The following GRIK1 variants were observed in gnomAD, a reference collection of about 807,000 sequenced individuals.
GRIK1 encodes glutamate receptor ionotropic, kainate 1.
A neutral mutation model predicts 105.7 loss-of-function variants in GRIK1; 69 were observed. The observed-to-expected ratio is 0.65, with a 90% confidence interval of 0.54 to 0.80. The LOEUF is 0.80. Among genes scored for constraint, GRIK1 ranks in the 30% least tolerant of loss-of-function variants. GRIK1 has a pLI of 0.00. For missense variants in GRIK1, 1,109 were observed against 1,167.3 expected, an observed-to-expected ratio of 0.95 and a Z score of 0.73; for synonymous variants, 438 against 431.3, an observed-to-expected ratio of 1.02 and a Z score of -0.19.
chr21:29,861,230 T>G (rs1311439982), intron 1 of GRIK1, among the ~76,000 whole-genome samples: 1 of 152,162 alleles, frequency 6.6e-6, no homozygotes, highest in Non-Finnish European at 1.5e-5. Flanking sequence ...AAAGAATGTC[T>G]TTCTTCGTTC....
intron 7 of GRIK1, among the ~76,000 whole-genome samples, chr21:29,617,611 C>T (rs2061883615): frequency 6.6e-6 from 1 of 152,200 alleles, no homozygotes; most frequent in African/African-American, 2.4e-5. Flanking sequence ...GCGCTTGCAT[C>T]TAAACATTAA....
At chr21:29,690,073 T>G (rs2063558429) in intron 2 of GRIK1, 88 bp from the exon 3 acceptor site, 1 of 1,027,988 alleles carries the variant, frequency 9.7e-7, no homozygotes, top group Non-Finnish European at 1.4e-6. Context: ...AATTTTTTCT[T>G]TCATGATTCC....
At chr21:29,888,613 C>T (rs1055959071) in intron 1 of GRIK1, among the ~76,000 whole-genome samples, 39 of 152,090 alleles carry the variant, frequency 2.6e-4, no homozygotes, top group Non-Finnish European at 5.0e-4. Context: ...TAGTCTATTT[C>T]TGAAAGCTGT....
At chr21:29,740,755 C>G (rs2064906729) in intron 1 of GRIK1, among the ~76,000 whole-genome samples, 1 of 152,140 alleles carries the variant, frequency 6.6e-6, no homozygotes, top group Non-Finnish European at 1.5e-5. Context: ...AGTGCTCAAC[C>G]TGCTAAAAGA....
At chr21:29,563,019 T>G (rs2300303) in intron 14 of GRIK1, among the ~76,000 whole-genome samples, 27,462 of 151,920 alleles carry the variant, frequency 0.18, 4,260 homozygotes, top group African/African-American at 0.42. Flanking sequence ...TTTTTTTTTT[T>G]AATTTTTCTT....
chr21:29,720,603 A>G (rs2064295430), intron 1 of GRIK1, among the ~76,000 whole-genome samples: 1 of 152,128 alleles, frequency 6.6e-6, no homozygotes. Context: ...CCCAAGCAGC[A>G]TCTGGAATAG....
intron 1 of GRIK1, among the ~76,000 whole-genome samples, chr21:29,793,315 C>A (rs553687962): frequency 6.6e-6 from 1 of 152,122 alleles, no homozygotes; most frequent in Non-Finnish European, 1.5e-5. Flanking sequence ...TGGACAACCC[C>A]GTGCATTAAT....
intron 1 of GRIK1, among the ~76,000 whole-genome samples, chr21:29,911,022 A>G (rs1179776422): frequency 6.6e-6 from 1 of 152,108 alleles, no homozygotes; most frequent in Non-Finnish European, 1.5e-5. Flanking sequence ...CATCAATAAT[A>G]ACAATAACAA....
At chr21:29,706,927 A>C (rs573933697) in intron 1 of GRIK1, among the ~76,000 whole-genome samples, 3 of 151,818 alleles carry the variant, frequency 2.0e-5, no homozygotes, top group East Asian at 3.9e-4. Context: ...TGCAGTGGTG[A>C]GATCTCAGCT....
At chr21:29,899,332 T>C (rs566354451) in intron 1 of GRIK1, among the ~76,000 whole-genome samples, 61 of 152,338 alleles carry the variant, frequency 4.0e-4, no homozygotes, top group Admixed American at 1.3e-3. Context: ...GATACACTTT[T>C]GTACAATAAT....
intron 7 of GRIK1, among the ~76,000 whole-genome samples, chr21:29,640,145 C>G (rs1280265454): frequency 7.1e-6 from 1 of 140,434 alleles, no homozygotes; most frequent in African/African-American, 2.9e-5. Flanking sequence ...AACTTCTTTA[C>G]AAAGTGAGAA....
rs1568815100 is a variant in GRIK1, at chr21:29,560,502, TCCTTCCTTCC to T, written c.2356+1112_2356+1121del. 1.3e-3 allele frequency among the ~76,000 whole-genome samples: 25 copies of T among 19,166 alleles called. 1 individual carries two copies. Among genetic ancestry groups the T allele is most frequent in the African/African-American group, 5.1e-3 (21 of 4,086 alleles). The allele number at this position is 19,166 out of a possible 152,430, so 12.6% of individuals were successfully genotyped here. On this transcript the variant is annotated intron_variant, in intron 15 of 17. Coordinates refer to ENST00000327783, the MANE Select transcript of GRIK1 (RefSeq NM_001330994.2). ...CTCTCCCTTTCTTTCTTTCTTTCCT[TCCTTCCTTCC>T]TTCCTTCCTTTCTTTCTTTCTTTCT... is the stretch of plus-strand genomic sequence containing the variant.
At chr21:29,801,140 C>T (rs150189570) in intron 1 of GRIK1, among the ~76,000 whole-genome samples, 297 of 152,072 alleles carry the variant, frequency 2.0e-3, no homozygotes, top group African/African-American at 7.0e-3. Context: ...GAGCTTAGAG[C>T]CAGGAGTAGT....
chr21:29,547,934 AC>A (rs2090073370), intron 16 of GRIK1, among the ~76,000 whole-genome samples: 1 of 152,200 alleles, frequency 6.6e-6, no homozygotes, highest in South Asian at 2.1e-4. Flanking sequence ...TTATCAAATG[AC>A]AGTAATTTCT....
intron 1 of GRIK1, among the ~76,000 whole-genome samples, chr21:29,769,547 A>C (rs1469261883): frequency 6.6e-6 from 1 of 152,148 alleles, no homozygotes; most frequent in African/African-American, 2.4e-5. Context: ...TGCGCAGTTC[A>C]CAATAGGGTT....
intron 7 of GRIK1, chr21:29,630,817 G>T (rs2062251485): frequency 2.8e-6 from 1 of 355,768 alleles, no homozygotes; most frequent in Admixed American, 3.9e-5. Context: ...TTTGAGACAG[G>T]CTCTCTTGTT....
At chr21:29,631,982 A>G (rs1383314344) in intron 7 of GRIK1, among the ~76,000 whole-genome samples, 1 of 141,252 alleles carries the variant, frequency 7.1e-6, no homozygotes, top group Non-Finnish European at 1.6e-5. Flanking sequence ...GTGAATGTGC[A>G]GGAAAAAAAA....
chr21:29,543,893 T>C (rs2090010373), intron 16 of GRIK1, among the ~76,000 whole-genome samples: 1 of 152,228 alleles, frequency 6.6e-6, no homozygotes, highest in Non-Finnish European at 1.5e-5. Flanking sequence ...CGAAAGCCCC[T>C]GTCTTCCTTT....
At chr21:29,814,925 G>A (rs379509) in intron 1 of GRIK1, among the ~76,000 whole-genome samples, 98,012 of 151,972 alleles carry the variant, frequency 0.64, 33,158 homozygotes, top group Non-Finnish European at 0.75. Flanking sequence ...TCACTTACCC[G>A]CCTGTGCAAT....
Sources: gnomAD v4.1 joint callset for allele counts (sites outside exome capture counted in the v4.1 genomes callset) on GRCh38, gnomAD v4.1.1 for gene constraint, MANE v1.5 for transcripts, NCBI Gene and HGNC (gene_info 2026-07-23, HGNC 2026-07-21) for gene names.